Variants in OSBPL10 observed in about 807,000 individuals in gnomAD.
OSBPL10 encodes oxysterol binding protein like 10, also known as oxysterol-binding protein-related protein 10.
A neutral mutation model predicts 81.7 loss-of-function variants in OSBPL10; 49 were observed. The observed-to-expected ratio is 0.60, with a 90% CI of 0.48 to 0.76. The LOEUF is 0.76. Among genes scored for constraint, OSBPL10 ranks in the 30% least tolerant of loss-of-function variants. The probability of loss-of-function intolerance (pLI) is 0.00; values close to 1 mark genes in which losing one functional copy is unlikely to be tolerated. For missense variants in OSBPL10, 923 were observed against 987.8 expected (o/e 0.93, Z 0.88); for synonymous variants, 419 against 383.6 (o/e 1.09, Z -1.08).
At chr3:31,674,423 G>A (rs897324957) in intron 8 of OSBPL10, among the ~76,000 whole-genome samples, 3 of 152,096 alleles carry the variant, frequency 2.0e-5, no homozygotes, top group Admixed American at 2.0e-4. Flanking sequence ...AGCTGTGCAT[G>A]GTGGTGAGCA....
At chr3:31,696,482 G>GCAAA (rs1401953091) in intron 7 of OSBPL10, among the ~76,000 whole-genome samples, 1 of 152,144 alleles carries the variant, frequency 6.6e-6, no homozygotes, top group East Asian at 1.9e-4. Context: ...TCAGACTTTG[G>GCAAA]CAAAGCCAAA....
chr3:31,994,485 A>G (rs973622872), intron 2 of OSBPL10, among the ~76,000 whole-genome samples: 2 of 145,220 alleles, frequency 1.4e-5, no homozygotes, highest in Admixed American at 7.0e-5. Context: ...TATGTCAGGG[A>G]AAAAAAGGAT....
At chr3:31,876,716 CCT>C (rs767808850) in intron 2 of OSBPL10, among the ~76,000 whole-genome samples, 18 of 152,110 alleles carry the variant, frequency 1.2e-4, no homozygotes, top group Non-Finnish European at 2.2e-4. Context: ...CACGGAAAAT[CCT>C]CTCTTGAGCC....
At chr3:32,012,492 C>T (rs1048808556) in intron 2 of OSBPL10, among the ~76,000 whole-genome samples, 2 of 152,204 alleles carry the variant, frequency 1.3e-5, no homozygotes, top group Non-Finnish European at 2.9e-5. Context: ...AAAAACATGC[C>T]AAATTGTAAA....
At chr3:31,897,146 TAAAAC>T (rs770606392) in intron 1 of OSBPL10, among the ~76,000 whole-genome samples, 2 of 151,950 alleles carry the variant, frequency 1.3e-5, no homozygotes, top group Non-Finnish European at 2.9e-5. Flanking sequence ...AACTAAAACT[TAAAAC>T]AAAACAAATA....
At chr3:32,028,037 A>G (rs530871349) in intron 2 of OSBPL10, among the ~76,000 whole-genome samples, 2 of 152,316 alleles carry the variant, frequency 1.3e-5, no homozygotes, top group South Asian at 4.1e-4. Context: ...TGAGGAAAAC[A>G]TTGAGAACTT....
At chr3:31,891,289 C>G (rs1351251344) in intron 1 of OSBPL10, among the ~76,000 whole-genome samples, 1 of 152,112 alleles carries the variant, frequency 6.6e-6, no homozygotes, top group East Asian at 1.9e-4. Flanking sequence ...TGGGCCCCTC[C>G]CCCAGAGCTT....
At chr3:31,869,368 G>A (rs1396532809) in intron 3 of OSBPL10, among the ~76,000 whole-genome samples, 5 of 152,096 alleles carry the variant, frequency 3.3e-5, no homozygotes, top group Non-Finnish European at 7.4e-5. Flanking sequence ...TTAATCAGAA[G>A]ACACTTTTCA....
At chr3:31,907,910 C>T (rs1696458272) in intron 1 of OSBPL10, among the ~76,000 whole-genome samples, 1 of 152,000 alleles carries the variant, frequency 6.6e-6, no homozygotes, top group Non-Finnish European at 1.5e-5. Context: ...AGTAAGTGTC[C>T]ATAAGTGGCT....
chr3:31,701,383 ATGTC>A (rs1325508666), intron 7 of OSBPL10, among the ~76,000 whole-genome samples: 4 of 152,168 alleles, frequency 2.6e-5, no homozygotes, highest in African/African-American at 7.2e-5. Flanking sequence ...CCCGCAGATC[ATGTC>A]TGTCTGTCTG....
intron 4 of OSBPL10, among the ~76,000 whole-genome samples, chr3:31,785,157 T>C: frequency 6.6e-6 from 1 of 152,224 alleles, no homozygotes; most frequent in East Asian, 1.9e-4. Context: ...AGTGCCGGGA[T>C]TACAGGCGTG....
At chr3:31,982,354 C>G (rs1698867860), upstream of OSBPL10, among the ~76,000 whole-genome samples, 1 of 151,448 alleles carries the variant, frequency 6.6e-6, no homozygotes, top group South Asian at 2.1e-4. Flanking sequence ...CTCAGACTCT[C>G]TCTCTCACAC....
chr3:32,013,567 T>C (rs2125540842), intron 2 of OSBPL10, among the ~76,000 whole-genome samples: 1 of 152,248 alleles, frequency 6.6e-6, no homozygotes, highest in South Asian at 2.1e-4. Flanking sequence ...ATTCAAAAGC[T>C]AGCAGAAGGC....
At chr3:31,999,359 CTT>C (rs5847729) in intron 2 of OSBPL10, among the ~76,000 whole-genome samples, 53 of 125,808 alleles carry the variant, frequency 4.2e-4, no homozygotes, top group Non-Finnish European at 3.9e-4. Context: ...ATATCAAAAT[CTT>C]TTTTTTTTTT....
intron 5 of OSBPL10, among the ~76,000 whole-genome samples, chr3:31,743,455 T>A (rs1228089254): frequency 1.3e-5 from 2 of 152,172 alleles, no homozygotes; most frequent in East Asian, 1.9e-4. Flanking sequence ...GGAGCCCAAA[T>A]GTATAGATGG....
chr3:31,787,522 G>A (rs1165891796), intron 4 of OSBPL10, among the ~76,000 whole-genome samples: 1 of 151,756 alleles, frequency 6.6e-6, no homozygotes, highest in Non-Finnish European at 1.5e-5. Context: ...TTGAACCCGG[G>A]AGCTGGAGGT....
chr3:32,055,191 C>CTT lies in OSBPL10; in HGVS notation n.186-8590_186-8589dup, dbSNP rs139735770. Among the ~76,000 whole-genome samples the CTT allele has an allele frequency of 2.0e-3, 116 of 58,310 alleles. 19 individuals carry two copies. Among genetic ancestry groups the CTT allele is most frequent in the African/African-American group, 3.9e-3 (53 of 13,470 alleles). 38.3% of individuals were successfully genotyped at this position (58,310 alleles called of 152,430 possible). ...AAGAAAACTTTTGAACTATTTATAG[C>CTT]TTTTTTTTTTTTTTTTTTTTTTTTT... On this transcript the variant is annotated intron_variant and non_coding_transcript_variant, in intron 1 of 3. Coordinates refer to the OSBPL10 transcript ENST00000479173.
chr3:31,709,706 G>A (rs1293592524), intron 6 of OSBPL10, among the ~76,000 whole-genome samples: 2 of 152,198 alleles, frequency 1.3e-5, no homozygotes, highest in Non-Finnish European at 2.9e-5. Context: ...GAGCGTGCCA[G>A]TATGAATACC....
chr3:31,937,569 C>T (rs1002809405), intron 1 of OSBPL10, among the ~76,000 whole-genome samples: 2 of 152,060 alleles, frequency 1.3e-5, no homozygotes, highest in Admixed American at 6.6e-5. Context: ...GCCTTTCAGT[C>T]CTGTCCAAAG....
Sources: gnomAD v4.1 joint callset for allele counts (sites outside exome capture counted in the v4.1 genomes callset) on GRCh38, gnomAD v4.1.1 for gene constraint, MANE v1.5 for transcripts, NCBI Gene and HGNC (gene_info 2026-07-23, HGNC 2026-07-21) for gene names.